The following SCYGR8 variants were observed in gnomAD, a reference collection of about 807,000 sequenced individuals.
The protein encoded by SCYGR8 is small cysteine and glycine repeat containing 8.
At chr2:227,746,047 T>A (rs1696826056) in exon 1 of SCYGR8, 1 of 399,098 alleles carries the variant, frequency 2.5e-6, no homozygotes, top group Non-Finnish European at 4.4e-6. Flanking sequence ...GGGCTGCTGC[T>A]CCAGCTGCTG....
At chr2:227,746,096 C>G (rs2106135462) in exon 1 of SCYGR8, 1 of 398,918 alleles carries the variant, frequency 2.5e-6, no homozygotes, top group Non-Finnish European at 4.4e-6. Context: ...TGCTGCAGCA[C>G]TCCCGTGATC....
Position 227,745,954 on chromosome 2 carries a change from G to A in SCYGR8, c.61G>A (p.Gly21Ser), listed in dbSNP as rs1574599816. 1.3e-5 allele frequency: 5 copies of A among 376,930 alleles called. No individual in the cohort carries two copies. The South Asian group carries it at 5.2e-4, about 39-fold the overall frequency. 23.3% of individuals were successfully genotyped at this position (376,930 alleles called of 1,614,324 possible). ...CTGTGGTGGCTGCAGTGGTGGCTGT[G>A]GTGGTGGCTGCGGTGGTGGCTGCGG... is the stretch of plus-strand genomic sequence containing the variant. The change falls in exon 1 of 1, where the codon GGT (glycine) becomes AGT (serine). Residue 21 changes from glycine to serine, a missense_variant. Physicochemically the swap from Gly to Ser is moderately conservative, Grantham distance 56. Coordinates refer to ENST00000641981, the Ensembl canonical transcript of SCYGR8.
chr2:227,745,921 G>A (rs1018223498), exon 1 of SCYGR8: 7 of 413,138 alleles, frequency 1.7e-5, no homozygotes, highest in African/African-American at 4.1e-5. Context: ...TGGTGGCTGC[G>A]GTGGTGGCTG....
rs559882459 is a variant in SCYGR8, at chr2:227,746,185, C to T, written c.292C>T (p.Gln98Ter). ...TTGCCAGCAGAAGGGATGCTGTCAG[C>T]AGAAGTGCTGCTGCCAGAAGCAATG... Residue 98 changes from glutamine to a stop codon, truncating the protein, a stop_gained, in exon 1 of 1, where the codon CAG becomes TAG. Coordinates refer to ENST00000641981, the Ensembl canonical transcript of SCYGR8. LOFTEE classifies it high-confidence loss of function. 17 of 399,022 alleles carry T rather than the reference C, an allele frequency of 4.3e-5. No individual in the cohort carries two copies. The South Asian group carries it at 1.7e-3, about 39-fold the overall frequency. The allele number at this position is 399,022 out of a possible 1,614,324, so 24.7% of individuals were successfully genotyped here.
At chr2:227,746,106 C>A in exon 1 of SCYGR8, 1 of 398,966 alleles carries the variant, frequency 2.5e-6, no homozygotes. Flanking sequence ...CTCCCGTGAT[C>A]TGCTGCTGCC....
chr2:227,746,188 A>AAGC, exon 1 of SCYGR8: 1 of 398,812 alleles, frequency 2.5e-6, no homozygotes, highest in Non-Finnish European at 4.4e-6. Context: ...CTGTCAGCAG[A>AAGC]AGTGCTGCTG....
chr2:227,746,209 T>C (rs935534996), exon 1 of SCYGR8: 1 of 398,844 alleles, frequency 2.5e-6, no homozygotes, highest in African/African-American at 2.1e-5. Context: ...CCAGAAGCAA[T>C]GCTGCTGCTA....
exon 1 of SCYGR8, chr2:227,746,132 C>T (rs951254161): frequency 1.3e-5 from 5 of 398,682 alleles, no homozygotes; most frequent in South Asian, 2.5e-4. Flanking sequence ...ACCTGCAGCT[C>T]GTGTGGCTGT....
exon 1 of SCYGR8, chr2:227,746,133 G>C (rs755440011): frequency 2.5e-6 from 1 of 398,882 alleles, no homozygotes; most frequent in Non-Finnish European, 4.4e-6. Context: ...CCTGCAGCTC[G>C]TGTGGCTGTG....
exon 1 of SCYGR8, chr2:227,746,117 G>A (rs1696827014): frequency 5.0e-6 from 2 of 398,878 alleles, no homozygotes; most frequent in Middle Eastern, 6.3e-4. Flanking sequence ...TGCTGCTGCC[G>A]CCGCACCTGC....
chr2:227,746,061 C>T (rs1696826277), exon 1 of SCYGR8: 1 of 399,152 alleles, frequency 2.5e-6, no homozygotes, highest in African/African-American at 2.1e-5. Context: ...GCTGCTGCCC[C>T]TGCTGCCGTG....
At chr2:227,746,153 A>G in exon 1 of SCYGR8, 1 of 399,022 alleles carries the variant, frequency 2.5e-6, no homozygotes, top group Non-Finnish European at 4.4e-6. Context: ...GGCTATGGGA[A>G]GGGCTGTTGC....
At chr2:227,745,992 C>CGGTGGTGGCTGT (rs1696825234) in exon 1 of SCYGR8, 1 of 382,386 alleles carries the variant, frequency 2.6e-6, no homozygotes, top group Non-Finnish European at 4.5e-6. Context: ...GTGGTGGCTG[C>CGGTGGTGGCTGT]GGTGGTGGCT....
rs1574599830 is a variant in SCYGR8, at chr2:227,745,968, TGG to T, written c.76_77del (p.Gly26TrpfsTer94). On this transcript the variant is annotated frameshift_variant, in exon 1 of 1. Coordinates refer to ENST00000641981, the Ensembl canonical transcript of SCYGR8. LOFTEE classifies it low-confidence loss of function (END_TRUNC). ...GTGGTGGCTGTGGTGGTGGCTGCGG[TGG>T]TGGCTGCGGCGGTGGTGGCTGCGGT... The T allele has an allele frequency of 8.6e-3, 98 of 11,368 alleles. No individual in the cohort carries two copies. In the East Asian group the frequency reaches 0.33, roughly 38 times the overall value. The allele number at this position is 11,368 out of a possible 1,614,324, so 0.7% of individuals were successfully genotyped here.
At chr2:227,745,963 TGCGGTGGTGGCTGCG>T (rs67656271) in exon 1 of SCYGR8, 322,827 of 396,532 alleles carry the variant, frequency 0.81, 130,516 homozygotes, top group East Asian at 0.89. Flanking sequence ...TGGTGGTGGC[TGCGGTGGTGGCTGCG>T]GCGGTGGTGG....
exon 1 of SCYGR8, chr2:227,746,114 G>A (rs1364259752): frequency 2.8e-5 from 11 of 398,754 alleles, no homozygotes; most frequent in African/African-American, 2.1e-4. Flanking sequence ...ATCTGCTGCT[G>A]CCGCCGCACC....
exon 1 of SCYGR8, chr2:227,746,050 A>C: frequency 5.0e-6 from 2 of 398,992 alleles, no homozygotes; most frequent in Non-Finnish European, 4.4e-6. Flanking sequence ...CTGCTGCTCC[A>C]GCTGCTGCCC....
exon 1 of SCYGR8, chr2:227,746,068 C>A (rs766853522): frequency 1.5e-5 from 6 of 398,962 alleles, no homozygotes; most frequent in Non-Finnish European, 2.6e-5. Context: ...CCCCTGCTGC[C>A]GTGGCTGCTG....
chr2:227,746,000 G>T lies in SCYGR8; in HGVS notation c.107G>T (p.Gly36Val), dbSNP rs1047041459. The change falls in exon 1 of 1, where the codon GGC becomes GTC. Residue 36 changes from glycine (G) to valine (V), a missense_variant. Transcript: ENST00000641981. ...TGCGGCGGTGGTGGCTGCGGTGGTGGCTGTGGCAGCTGCACCACCTGCAGG... is the reference window on the plus strand; with the variant it reads ...TGCGGCGGTGGTGGCTGCGGTGGTGTCTGTGGCAGCTGCACCACCTGCAGG... The T allele has an allele frequency of 2.3e-4, 91 of 399,292 alleles. 1 individual carries two copies. The highest frequency in any genetic ancestry group is 1.2e-3 in the African/African-American group (59 of 48,310). The allele number at this position is 399,292 out of a possible 1,614,324, so 24.7% of individuals were successfully genotyped here.
Sources: gnomAD v4.1 joint callset for allele counts on GRCh38, gnomAD v4.1.1 for gene constraint, MANE v1.5 for transcripts, NCBI Gene and HGNC (gene_info 2026-07-23, HGNC 2026-07-21) for gene names.